Variants in DNAJA2 observed in about 807,000 individuals in gnomAD.
DNAJA2 encodes DnaJ heat shock protein family (Hsp40) member A2.
A neutral mutation model predicts 49.3 loss-of-function variants in DNAJA2; 6 were observed. That is an observed-to-expected ratio of 0.12 (90% confidence interval 0.07 to 0.24). The LOEUF (loss-of-function observed/expected upper bound fraction) is 0.24. Among genes scored for constraint, DNAJA2 ranks in the 10% least tolerant of loss-of-function variants. DNAJA2 has a pLI of 1.00. For missense variants in DNAJA2, 347 were observed against 516.8 expected, an observed-to-expected ratio of 0.67 and a Z score of 3.19; for synonymous variants, 160 against 172.7, an observed-to-expected ratio of 0.93 and a Z score of 0.58.
At chr16:46,965,076 G>A (rs1377934786) in intron 5 of DNAJA2, among the ~76,000 whole-genome samples, 4 of 152,036 alleles carry the variant, frequency 2.6e-5, no homozygotes, top group East Asian at 1.9e-4. Context: ...AAAGTTAGCC[G>A]GCGTGGTAGT....
Position 46,967,973 on chromosome 16 carries a change from G to A in DNAJA2, c.443+111C>T, listed in dbSNP as rs941891704. The stretch of plus-strand genomic sequence containing the variant: ...GCTGGGATTTCAGGTGTGAGCCACC[G>A]CACCCAGCCGTAAGTTTTAACTTAT... On this transcript the variant is annotated intron_variant, in intron 4 of 8. Transcript: ENST00000317089. 2.0e-4 allele frequency: 211 copies of A among 1,052,894 alleles called. 1 individual carries two copies. The highest frequency in any genetic ancestry group is 2.7e-4 in the Non-Finnish European group (198 of 729,332). The allele number at this position is 1,052,894 out of a possible 1,614,324, so 65.2% of individuals were successfully genotyped here. A position where few individuals can be genotyped will look rare whatever the true frequency, so the allele number is the denominator to read the frequency against.
At chr16:46,959,620 G>A (rs1486839346) in intron 6 of DNAJA2, 3 of 518,310 alleles carry the variant, frequency 5.8e-6, no homozygotes, top group East Asian at 3.0e-5. Flanking sequence ...CCATGAGGAA[G>A]GTGTACTGGA....
In DNAJA2 at chr16:46,968,081, T is replaced by C. The variant is rs746252069; in HGVS notation, c.443+3A>G. The C allele has an allele frequency of 6.3e-7, 1 of 1,599,084 alleles. No homozygotes were observed. The highest frequency in any genetic ancestry group is 1.8e-5 in the Admixed American group (1 of 55,456). On this transcript the variant is annotated splice_donor_region_variant and intron_variant, in intron 4 of 8. Transcript: ENST00000317089. Reference sequence around the variant, plus strand: ...TACCCAATAAACCAGAAGACACACTTACCCACTGCATGCACTACAGAGCAC... The same window carrying C: ...TACCCAATAAACCAGAAGACACACTCACCCACTGCATGCACTACAGAGCAC...
At chr16:46,964,154 A>G (rs2143649712) in intron 6 of DNAJA2, among the ~76,000 whole-genome samples, 1 of 152,268 alleles carries the variant, frequency 6.6e-6, no homozygotes, top group East Asian at 1.9e-4. Flanking sequence ...CAGGCAGATC[A>G]CCTGAGGTTG....
chr16:46,963,967 G>A (rs2143649379), intron 6 of DNAJA2, among the ~76,000 whole-genome samples: 1 of 152,286 alleles, frequency 6.6e-6, no homozygotes. Flanking sequence ...GTTAGTCAAT[G>A]ACCAGGCCAG....
chr16:46,962,565 T>A (rs1314521537), intron 6 of DNAJA2, among the ~76,000 whole-genome samples: 1 of 152,196 alleles, frequency 6.6e-6, no homozygotes, highest in African/African-American at 2.4e-5. Flanking sequence ...TTTCCAATTA[T>A]TTAGCTGTCT....
rs745552427 is a variant in DNAJA2 at position 46,959,421 on chromosome 16, TATAA to T, written c.775-6_775-3del. The T allele has an allele frequency of 6.1e-5, 98 of 1,608,134 alleles. 2 individuals carry two copies. The Middle Eastern group carries it at 1.7e-3, about 27-fold the overall frequency. ...ATCATTCCCATCTCTCTGAAATACC[TATAA>T]ATAAAGCACAAAAGAAATACATTTT... On this transcript the variant is annotated splice_polypyrimidine_tract_variant and splice_region_variant and intron_variant, in intron 6 of 8. Transcript: ENST00000317089.
At chr16:46,973,416 G>A in intron 1 of DNAJA2, 79 bp downstream of exon 1, 1 of 1,390,688 alleles carries the variant, frequency 7.2e-7, no homozygotes, top group Non-Finnish European at 9.5e-7. Context: ...CAGCCCAGTA[G>A]CGCGGCCTGG....
At position 46,968,066 on chromosome 16, in the gene DNAJA2, AC is replaced by A; in HGVS notation, c.443+17del. On this transcript the variant is annotated intron_variant, in intron 4 of 8. Transcript: ENST00000317089. Reference sequence around the variant, plus strand: ...AGAACAGACAAAATGTACCCAATAAACCAGAAGACACACTTACCCACTGCAT... The same window carrying A: ...AGAACAGACAAAATGTACCCAATAAACAGAAGACACACTTACCCACTGCAT... 1 of 1,573,590 alleles carries A rather than the reference AC, an allele frequency of 6.4e-7. No homozygotes were observed.
intron 3 of DNAJA2, among the ~76,000 whole-genome samples, chr16:46,968,370 A>G (rs1333879194): frequency 6.6e-6 from 1 of 152,248 alleles, no homozygotes; most frequent in African/African-American, 2.4e-5. Context: ...GACAGTACAT[A>G]TATGATACCC....
rs766911450 is a variant in DNAJA2 at position 46,968,125 on chromosome 16, T to C, written c.402A>G (p.Lys134=). ...LEDLYNGKTT[K]LQLSKNVLCS... ...AGAGCACATTCTTGCTAAGTTGTAG[T>C]TTGGTTGTCTTGCCATTATACAGAT... Residue 134 remains lysine, a synonymous_variant, in exon 4 of 9, where the codon AAA becomes AAG. Transcript: ENST00000317089. 6.2e-7 allele frequency: 1 copy of C among 1,609,674 alleles called. No homozygotes were observed. Among genetic ancestry groups the C allele is most frequent in the Admixed American group, 1.7e-5 (1 of 58,612 alleles).
chr16:46,965,226 A>G (rs575876280), intron 5 of DNAJA2, among the ~76,000 whole-genome samples: 1 of 152,298 alleles, frequency 6.6e-6, no homozygotes, highest in Admixed American at 6.5e-5. Flanking sequence ...AAACAAAAAA[A>G]AGCACTATTC....
intron 5 of DNAJA2, among the ~76,000 whole-genome samples, chr16:46,965,201 C>T (rs1387323442): frequency 6.6e-6 from 1 of 152,054 alleles, no homozygotes; most frequent in Non-Finnish European, 1.5e-5. Context: ...CAGTGTGAGG[C>T]CATGTCTCAA....
At chr16:46,968,221 ATATAAGT>A (rs745883244) in intron 3 of DNAJA2, 57 bp from the exon 4 acceptor site, 627 of 1,266,780 alleles carry the variant, frequency 4.9e-4, no homozygotes, top group Non-Finnish European at 6.6e-4. Context: ...CAAATACAAG[ATATAAGT>A]AACAGCTGAT....
chr16:46,957,458 C>A lies in DNAJA2; in HGVS notation c.1048-238G>T, dbSNP rs1487955729. 2.0e-5 allele frequency among the ~76,000 whole-genome samples: 3 copies of A among 152,116 alleles called. No homozygotes were observed. The East Asian group carries it at 5.8e-4, about 29-fold the overall frequency. On this transcript the variant is annotated intron_variant, in intron 8 of 8. Coordinates refer to ENST00000317089, the MANE Select transcript of DNAJA2 (RefSeq NM_005880.4). ...CTCTACTAAAAATACAAAAAATTAG[C>A]CAGGCATGGTGGTGGGTACCTGTAA...
intron 8 of DNAJA2, 110 bp from the exon 9 acceptor site, chr16:46,957,330 G>T: frequency 9.4e-7 from 1 of 1,062,030 alleles, no homozygotes; most frequent in South Asian, 1.6e-5. Context: ...GCTGGGTGTG[G>T]TGGTTCATGC....
In DNAJA2 at chr16:46,962,464, C is replaced by T. The variant is rs868276297; in HGVS notation, c.774+2147G>A. ...TGCACTGCCAGACATCATTTGACAA[C>T]GAACCCCAAACGACTCCAAGGATTC... On this transcript the variant is annotated intron_variant, in intron 6 of 8. Coordinates refer to ENST00000317089, the MANE Select transcript of DNAJA2 (RefSeq NM_005880.4). 5.9e-5 allele frequency among the ~76,000 whole-genome samples: 9 copies of T among 152,256 alleles called. No homozygotes were observed. In the East Asian group the frequency reaches 1.4e-3, roughly 23 times the overall value.
Position 46,960,634 on chromosome 16 carries a change from C to T in DNAJA2, c.775-1215G>A, listed in dbSNP as rs149656426. Among the ~76,000 whole-genome samples, 336 of 152,094 alleles carry T rather than the reference C, an allele frequency of 2.2e-3. 1 individual carries two copies. The highest frequency in any genetic ancestry group is 2.4e-3 in the Non-Finnish European group (163 of 67,992). ...TCTCTACTAAAAATACAAAAATTAG[C>T]CAGGTGTGGTGGCACGCGCCTGTAG... On this transcript the variant is annotated intron_variant, in intron 6 of 8. Coordinates refer to ENST00000317089, the MANE Select transcript of DNAJA2 (RefSeq NM_005880.4).
chr16:46,961,819 GA>G (rs1372678634), intron 6 of DNAJA2, among the ~76,000 whole-genome samples: 1 of 151,988 alleles, frequency 6.6e-6, no homozygotes, highest in Non-Finnish European at 1.5e-5. Flanking sequence ...CACTAGACCA[GA>G]AAACACTTAG....
Sources: allele counts gnomAD v4.1 joint callset (sites outside exome capture counted in the v4.1 genomes callset), GRCh38; gene constraint gnomAD v4.1.1; transcripts MANE v1.5; gene names NCBI Gene and HGNC (gene_info 2026-07-23, HGNC 2026-07-21).